Variants in PRKD1 observed in about 807,000 individuals in gnomAD.
The protein encoded by PRKD1 is protein kinase D1.
In PRKD1, 63 loss-of-function variants were observed where a neutral mutation model predicts 95.9. That is an observed-to-expected ratio of 0.66 (90% CI 0.54 to 0.81). PRKD1 has a LOEUF of 0.81. Among genes scored for constraint, PRKD1 ranks in the 30% least tolerant of loss-of-function variants. PRKD1 has a pLI of 0.00. For synonymous variants in PRKD1, 425 were observed against 423.1 expected (o/e 1.00, Z -0.05); for missense variants, 1,048 against 1,165.3 (o/e 0.90, Z 1.47).
At chr14:29,652,623 T>C (rs146730666) in intron 4 of PRKD1, among the ~76,000 whole-genome samples, 5 of 152,344 alleles carry the variant, frequency 3.3e-5, no homozygotes, top group African/African-American at 1.2e-4. Flanking sequence ...AAGTACACAC[T>C]GCCCAGGTTT....
intron 1 of PRKD1, among the ~76,000 whole-genome samples, chr14:29,832,935 C>G (rs968020080): frequency 6.6e-6 from 1 of 151,920 alleles, no homozygotes; most frequent in Non-Finnish European, 1.5e-5. Context: ...GTATATGCAG[C>G]CTTCTTTCTC....
intron 4 of PRKD1, among the ~76,000 whole-genome samples, chr14:29,659,082 GCATAAA>G (rs1323209449): frequency 6.6e-6 from 1 of 152,112 alleles, no homozygotes; most frequent in Non-Finnish European, 1.5e-5. Flanking sequence ...TTTTGCATGT[GCATAAA>G]CCCATGTAAC....
intron 1 of PRKD1, among the ~76,000 whole-genome samples, chr14:29,844,918 C>T (rs1004212601): frequency 6.6e-6 from 1 of 152,134 alleles, no homozygotes; most frequent in Non-Finnish European, 1.5e-5. Context: ...AAAGGCACCC[C>T]TTTGCTGTTA....
intron 1 of PRKD1, among the ~76,000 whole-genome samples, chr14:29,888,324 AAAAGAAAGGAAAG>A (rs2139408032): frequency 6.6e-6 from 1 of 152,062 alleles, no homozygotes; most frequent in East Asian, 1.9e-4. Context: ...GAAAAGAAAG[AAAAGAAAGGAAAG>A]AAAGAAAGAG....
chr14:29,854,007 G>C (rs890920140), intron 1 of PRKD1, among the ~76,000 whole-genome samples: 1 of 152,084 alleles, frequency 6.6e-6, no homozygotes, highest in Non-Finnish European at 1.5e-5. Flanking sequence ...TCTTTCTTTT[G>C]TAAATTGCCC....
intron 1 of PRKD1, among the ~76,000 whole-genome samples, chr14:29,922,249 C>T (rs1170170126): frequency 2.0e-5 from 3 of 147,674 alleles, no homozygotes; most frequent in Non-Finnish European, 4.4e-5. Flanking sequence ...TGCAGTGAGC[C>T]GAGATTGCAC....
At chr14:29,725,758 G>A (rs898884076) in intron 1 of PRKD1, 84 bp from the exon 2 acceptor site, 8 of 1,423,948 alleles carry the variant, frequency 5.6e-6, no homozygotes, top group Admixed American at 2.1e-5. Context: ...ACAAATACAA[G>A]CTAATTAGAA....
intron 1 of PRKD1, among the ~76,000 whole-genome samples, chr14:29,918,194 G>A (rs576343852): frequency 6.6e-6 from 1 of 152,116 alleles, no homozygotes; most frequent in Non-Finnish European, 1.5e-5. Flanking sequence ...ATGTATACAT[G>A]TACCAAAACA....
intron 1 of PRKD1, among the ~76,000 whole-genome samples, chr14:29,774,594 T>C (rs989777172): frequency 2.6e-5 from 4 of 152,072 alleles, no homozygotes; most frequent in African/African-American, 9.7e-5. Context: ...GAATACAGAG[T>C]TATTAAGTGG....
chr14:29,732,924 T>G (rs1219086951), intron 1 of PRKD1, among the ~76,000 whole-genome samples: 1 of 151,526 alleles, frequency 6.6e-6, no homozygotes, highest in African/African-American at 2.4e-5. Context: ...TTTTTTTTTT[T>G]TTTCAGTTTA....
intron 14 of PRKD1, among the ~76,000 whole-genome samples, 190 bp downstream of exon 14, chr14:29,599,466 A>G (rs1486348505): frequency 6.6e-6 from 1 of 152,192 alleles, no homozygotes; most frequent in South Asian, 2.1e-4. Flanking sequence ...CATGTTACTA[A>G]TTTGGTACAC....
At position 29,587,463 on chromosome 14, in the gene PRKD1, C is replaced by T. The variant is rs945547964; in HGVS notation, c.2435-9103G>A. ...TTTCAACTAAACTATGATGTACATTCAGAAGTGAAACTAACTTTGTAACTG... is the reference window on the plus strand; with the variant it reads ...TTTCAACTAAACTATGATGTACATTTAGAAGTGAAACTAACTTTGTAACTG... On this transcript the variant is annotated intron_variant, in intron 16 of 17. Coordinates refer to ENST00000331968, the MANE Select transcript of PRKD1 (RefSeq NM_002742.3). Among the ~76,000 whole-genome samples the T allele has an allele frequency of 4.6e-5, 7 of 152,278 alleles. No homozygotes were observed. In the East Asian group the frequency reaches 1.4e-3, roughly 29 times the overall value.
At chr14:29,597,829 C>T in intron 15 of PRKD1, 71 bp from the exon 16 acceptor site, 1 of 1,380,812 alleles carries the variant, frequency 7.2e-7, no homozygotes, top group Admixed American at 2.4e-5. Flanking sequence ...TTCAGATTCA[C>T]CAGATACAAC....
At chr14:29,918,120 C>G (rs1453081880) in intron 1 of PRKD1, among the ~76,000 whole-genome samples, 1 of 151,982 alleles carries the variant, frequency 6.6e-6, no homozygotes. Context: ...TCACCACACA[C>G]ACAAGAAAAG....
intron 1 of PRKD1, among the ~76,000 whole-genome samples, chr14:29,858,854 A>C (rs1210236764): frequency 1.3e-5 from 2 of 152,120 alleles, no homozygotes; most frequent in African/African-American, 4.8e-5. Context: ...ATTTAGAAAA[A>C]ATGCTGGGAG....
At chr14:29,737,976 G>A (rs45593034) in intron 1 of PRKD1, among the ~76,000 whole-genome samples, 1,925 of 152,234 alleles carry the variant, frequency 0.013, 28 homozygotes, top group African/African-American at 0.044. Context: ...TGATTATCAC[G>A]TATGTAGCAA....
chr14:29,909,119 A>G (rs964155819), intron 1 of PRKD1, among the ~76,000 whole-genome samples: 1 of 152,158 alleles, frequency 6.6e-6, no homozygotes, highest in Non-Finnish European at 1.5e-5. Flanking sequence ...AGCCCCAGGC[A>G]GTGAGGGGCT....
chr14:29,635,199 T>C (rs1203570821), intron 7 of PRKD1, among the ~76,000 whole-genome samples: 1 of 152,176 alleles, frequency 6.6e-6, no homozygotes, highest in Non-Finnish European at 1.5e-5. Flanking sequence ...TTATTTCCTA[T>C]TATAGGTACA....
intron 1 of PRKD1, among the ~76,000 whole-genome samples, chr14:29,922,847 G>A (rs966728378): frequency 6.6e-5 from 10 of 152,140 alleles, no homozygotes; most frequent in African/African-American, 2.4e-4. Context: ...ATTATGTACT[G>A]TACTTGTAGT....
Sources: gnomAD v4.1 joint callset for allele counts (sites outside exome capture counted in the v4.1 genomes callset) on GRCh38, gnomAD v4.1.1 for gene constraint, MANE v1.5 for transcripts, NCBI Gene and HGNC (gene_info 2026-07-23, HGNC 2026-07-21) for gene names.